The following CDON variants were observed in gnomAD, a reference collection of about 807,000 sequenced individuals.
CDON encodes cell adhesion associated, oncogene regulated.
Under a neutral mutation model 120.9 loss-of-function variants are expected in CDON, and 73 were observed. The observed-to-expected ratio is 0.60, with a 90% CI of 0.50 to 0.73. The LOEUF is 0.73. CDON is among the 30% of genes least tolerant of loss of function. The probability of loss-of-function intolerance (pLI) is 0.00; values close to 1 mark genes in which losing one functional copy is unlikely to be tolerated. For missense variants in CDON, 1,470 were observed against 1,587.3 expected (o/e 0.93, Z 1.26); for synonymous variants, 566 against 573.5 (o/e 0.99, Z 0.19).
intron 9 of CDON, chr11:126,005,315 AAAAC>A (rs1383814254): frequency 1.3e-3 from 39 of 29,238 alleles, no homozygotes; most frequent in South Asian, 6.6e-3. Flanking sequence ...AAAAAAAAAA[AAAAC>A]AAACAAACAA....
At chr11:125,978,407 A>G in intron 17 of CDON, 24 bp from the exon 18 acceptor site, 1 of 1,496,776 alleles carries the variant, frequency 6.7e-7, no homozygotes, top group East Asian at 2.3e-5. Flanking sequence ...AGTGTCAGAG[A>G]AAAAGAAAAG....
chr11:126,052,115 CAAAACAAAAA>C (rs1175738988), intron 1 of CDON, among the ~76,000 whole-genome samples: 1 of 148,126 alleles, frequency 6.8e-6, no homozygotes, highest in African/African-American at 2.5e-5. Flanking sequence ...CAAAACAAAA[CAAAACAAAAA>C]AAACTTTAGC....
At chr11:126,004,800 AT>A (rs1302024408) in intron 9 of CDON, among the ~76,000 whole-genome samples, 24 of 152,320 alleles carry the variant, frequency 1.6e-4, no homozygotes, top group African/African-American at 5.8e-4. Context: ...GTATACTAAA[AT>A]TTCTTGGACA....
At chr11:125,973,917 C>T (rs1250463826) in intron 18 of CDON, among the ~76,000 whole-genome samples, 1 of 151,320 alleles carries the variant, frequency 6.6e-6, no homozygotes, top group Admixed American at 6.6e-5. Context: ...TCTTTTGAGA[C>T]AGAGTTTCGC....
chr11:125,961,694 G>A (rs1324830619), intron 19 of CDON, 30 bp downstream of exon 19: 3 of 1,613,796 alleles, frequency 1.9e-6, no homozygotes, highest in Non-Finnish European at 2.5e-6. Flanking sequence ...AGATGATCTG[G>A]AATCCTAAGG....
intron 17 of CDON, among the ~76,000 whole-genome samples, chr11:125,979,807 G>A (rs1946244930): frequency 2.0e-5 from 3 of 152,170 alleles, no homozygotes; most frequent in African/African-American, 4.8e-5. Context: ...AGCTTAGAAA[G>A]TCTGAATACA....
chr11:126,023,272 T>C (rs530513430), intron 2 of CDON, 129 bp downstream of exon 2: 4 of 793,214 alleles, frequency 5.0e-6, no homozygotes, highest in East Asian at 4.9e-5. Flanking sequence ...AATCATGTAG[T>C]TGGTCAAACC....
At position 126,017,124 on chromosome 11, in the gene CDON, C is replaced by T. The variant is rs762204286; in HGVS notation, c.892G>A (p.Asp298Asn). ...ACCATGTAAGTCACATATTTTACATCTCCAGACTTGTTTCCCGCCATGCAG... is the reference window on the plus strand; with the variant it reads ...ACCATGTAAGTCACATATTTTACATTTCCAGACTTGTTTCCCGCCATGCAG... The part of the protein sequence containing the change: ...YSCMAGNKSG[D>N]VKYVTYMVNV... The change falls in exon 6 of 20, where the codon GAT (aspartate) becomes AAT (asparagine). Residue 298 changes from aspartate (D) to asparagine (N), a missense_variant. By Grantham distance (23) the Asp-to-Asn change is conservative. Coordinates refer to ENST00000531738, the MANE Select transcript of CDON (RefSeq NM_001378964.1). The T allele has an allele frequency of 1.2e-6, 2 of 1,614,168 alleles. No homozygotes were observed. The highest frequency in any genetic ancestry group is 1.7e-6 in the Non-Finnish European group (2 of 1,180,010).
intron 18 of CDON, among the ~76,000 whole-genome samples, chr11:125,963,422 T>C (rs1027912019): frequency 6.6e-6 from 1 of 152,164 alleles, no homozygotes; most frequent in Non-Finnish European, 1.5e-5. Context: ...TGGAGCTAGA[T>C]AACGTTAGGC....
chr11:126,051,010 G>T (rs547633270), intron 1 of CDON, among the ~76,000 whole-genome samples: 2 of 151,942 alleles, frequency 1.3e-5, no homozygotes, highest in African/African-American at 4.8e-5. Flanking sequence ...TCGCCTACTC[G>T]ATGTAAATTT....
intron 6 of CDON, 26 bp downstream of exon 6, chr11:126,017,062 A>C: frequency 6.2e-7 from 1 of 1,603,854 alleles, no homozygotes; most frequent in Non-Finnish European, 8.5e-7. Flanking sequence ...GCTTCATTTG[A>C]AAAAAATTAA....
In CDON at chr11:126,010,538, A is replaced by C; in HGVS notation, c.1355T>G (p.Val452Gly). Residue 452 changes from valine to glycine, a missense_variant, in exon 8 of 20, where the codon GTC becomes GGC. Transcript: ENST00000531738. ...HGLITSHPSQVLRSKSRKSQL... is the reference protein window; with the variant it reads ...HGLITSHPSQGLRSKSRKSQL... The stretch of plus-strand genomic sequence containing the variant: ...TGATTTTCGGGATTTCGATCTCAGG[A>C]CTTGAGATGGATGGCTGGTTATCAA... The C allele has an allele frequency of 6.2e-7, 1 of 1,614,064 alleles. No individual in the cohort carries two copies. The highest frequency in any genetic ancestry group is 1.1e-5 in the South Asian group (1 of 91,072).
chr11:126,050,519 C>T (rs1340904676), intron 1 of CDON, among the ~76,000 whole-genome samples: 2 of 151,404 alleles, frequency 1.3e-5, no homozygotes, highest in Non-Finnish European at 2.9e-5. Flanking sequence ...CACACACACA[C>T]ACACACACAC....
chr11:125,962,917 TG>T (rs1257039146), intron 18 of CDON, among the ~76,000 whole-genome samples: 3 of 152,250 alleles, frequency 2.0e-5, no homozygotes, highest in Non-Finnish European at 4.4e-5. Flanking sequence ...ATCTGCTAAT[TG>T]TGACATCTGG....
At chr11:126,029,194 C>T (rs1947883441) in intron 1 of CDON, among the ~76,000 whole-genome samples, 1 of 152,086 alleles carries the variant, frequency 6.6e-6, no homozygotes, top group Admixed American at 6.5e-5. Context: ...CTTTCACTCT[C>T]TATTAGGGAT....
At chr11:125,994,535 G>A (rs1016961737) in intron 13 of CDON, 146 bp from the exon 14 acceptor site, 12 of 662,914 alleles carry the variant, frequency 1.8e-5, no homozygotes, top group Non-Finnish European at 3.0e-5. Flanking sequence ...TACTTCAAAG[G>A]TATTAAAAGC....
chr11:125,981,121 C>A lies in CDON; in HGVS notation c.3204G>T (p.Gly1068=). Residue 1068 remains glycine (G), a synonymous_variant, in exon 17 of 20, where the codon GGG becomes GGT. Coordinates refer to ENST00000531738, the MANE Select transcript of CDON (RefSeq NM_001378964.1). ...NGIVNGSLNG[G]LYSGHSNSLT... Reference sequence around the variant, plus strand: ...GAGAGTTGCTGTGCCCGGAGTAAAGCCCTCCATTTAGGCTCCCATTCACAA... The same window carrying A: ...GAGAGTTGCTGTGCCCGGAGTAAAGACCTCCATTTAGGCTCCCATTCACAA... 10 of 1,614,136 alleles carry A rather than the reference C, an allele frequency of 6.2e-6. No homozygotes were observed. The highest frequency in any genetic ancestry group is 8.5e-6 in the Non-Finnish European group (10 of 1,179,996).
chr11:125,971,197 C>A (rs531344137), intron 18 of CDON, among the ~76,000 whole-genome samples: 34 of 152,162 alleles, frequency 2.2e-4, no homozygotes, highest in African/African-American at 7.9e-4. Context: ...TCCTGGCTAA[C>A]ACAGTGAAAC....
At chr11:126,050,493 CAA>C (rs1483678512) in intron 1 of CDON, among the ~76,000 whole-genome samples, 19 of 103,484 alleles carry the variant, frequency 1.8e-4, no homozygotes, top group African/African-American at 6.9e-4. Context: ...CTGTAAGTAG[CAA>C]ACACACACAC....
Sources: gnomAD v4.1 joint callset for allele counts (sites outside exome capture counted in the v4.1 genomes callset) on GRCh38, gnomAD v4.1.1 for gene constraint, MANE v1.5 for transcripts, NCBI Gene and HGNC (gene_info 2026-07-23, HGNC 2026-07-21) for gene names.